Variants in ELOVL5 observed in about 807,000 individuals in gnomAD.
ELOVL5 encodes ELOVL fatty acid elongase 5.
A neutral mutation model predicts 38.6 loss-of-function variants in ELOVL5; 8 were observed. The observed-to-expected ratio is 0.21, with a 90% CI of 0.12 to 0.37. The LOEUF (loss-of-function observed/expected upper bound fraction) is 0.37, where lower values mean the gene tolerates loss of function less well. Ranked by LOEUF, ELOVL5 falls within the 10% of genes least tolerant of loss-of-function variation. The pLI is 1.00. For synonymous variants in ELOVL5, 127 were observed against 133.7 expected, an observed-to-expected ratio of 0.95 and a Z score of 0.34; for missense variants, 280 against 367.8, an observed-to-expected ratio of 0.76 and a Z score of 1.95.
intron 1 of ELOVL5, chr6:53,336,976 GC>G (rs1359507573): frequency 6.6e-6 from 1 of 152,192 alleles, no homozygotes; most frequent in Non-Finnish European, 1.5e-5. Context: ...AGGCACCAGG[GC>G]CTGCAAATTT....
chr6:53,347,772 T>A (rs1234516611), intron 1 of ELOVL5, among the ~76,000 whole-genome samples: 2 of 149,834 alleles, frequency 1.3e-5, no homozygotes, highest in Non-Finnish European at 3.0e-5. Flanking sequence ...GCCAAATGCA[T>A]TCTCCAAATT....
intron 3 of ELOVL5, among the ~76,000 whole-genome samples, chr6:53,282,502 A>G (rs1766397744): frequency 6.6e-6 from 1 of 152,210 alleles, no homozygotes; most frequent in South Asian, 2.1e-4. Context: ...CCTTCTCTCC[A>G]TTCTCCCTAC....
intron 1 of ELOVL5, among the ~76,000 whole-genome samples, chr6:53,320,525 TG>T (rs1385309259): frequency 6.6e-6 from 1 of 151,834 alleles, no homozygotes; most frequent in Non-Finnish European, 1.5e-5. Context: ...TTAGTAGAAA[TG>T]GGGTTTCACC....
chr6:53,291,486 G>A (rs1224034597), intron 3 of ELOVL5, among the ~76,000 whole-genome samples: 1 of 152,134 alleles, frequency 6.6e-6, no homozygotes, highest in Admixed American at 6.6e-5. Flanking sequence ...TATTTTGCTT[G>A]CATGAGAGTA....
intron 3 of ELOVL5, among the ~76,000 whole-genome samples, chr6:53,286,151 A>G (rs1581932934): frequency 6.6e-6 from 1 of 152,156 alleles, no homozygotes; most frequent in East Asian, 1.9e-4. Context: ...AAGACAAGAG[A>G]CTGTCGGATT....
chr6:53,327,634 T>TA (rs923011677), intron 1 of ELOVL5, among the ~76,000 whole-genome samples: 10 of 152,200 alleles, frequency 6.6e-5, no homozygotes, highest in Non-Finnish European at 7.4e-5. Context: ...ACTGTGGATG[T>TA]ACTAAATGCC....
At chr6:53,284,893 T>C (rs2127571683) in intron 3 of ELOVL5, among the ~76,000 whole-genome samples, 1 of 152,340 alleles carries the variant, frequency 6.6e-6, no homozygotes, top group Non-Finnish European at 1.5e-5. Context: ...GAACCACACC[T>C]ATATAAGACA....
intron 1 of ELOVL5, among the ~76,000 whole-genome samples, chr6:53,335,475 T>C (rs2127592964): frequency 6.6e-6 from 1 of 152,326 alleles, no homozygotes; most frequent in East Asian, 1.9e-4. Flanking sequence ...GCTTAGTCTC[T>C]AGGCAACGTT....
At chr6:53,276,806 T>C (rs752959234) in intron 3 of ELOVL5, among the ~76,000 whole-genome samples, 1 of 152,114 alleles carries the variant, frequency 6.6e-6, no homozygotes, top group African/African-American at 2.4e-5. Flanking sequence ...GAACCACTGC[T>C]GTAGGCTCAG....
rs147858617 is a variant in ELOVL5 at position 53,274,169 on chromosome 6, C to T, written c.497-825G>A. ...TTCTCTGAAAATTTAAAGCACTCTT[C>T]AAATGTAGGGAGGGGCTGTTTCTAT... On this transcript the variant is annotated intron_variant, in intron 5 of 7. Coordinates refer to ENST00000304434, the MANE Select transcript of ELOVL5 (RefSeq NM_021814.5). 3.8e-3 allele frequency among the ~76,000 whole-genome samples: 581 copies of T among 152,300 alleles called. 2 individuals carry two copies. Among genetic ancestry groups the T allele is most frequent in the African/African-American group, 0.012 (513 of 41,556 alleles).
intron 1 of ELOVL5, among the ~76,000 whole-genome samples, chr6:53,318,929 T>C (rs1032210224): frequency 6.6e-5 from 10 of 152,336 alleles, no homozygotes; most frequent in African/African-American, 1.9e-4. Flanking sequence ...ACTATGTCTT[T>C]AAAATCTAAT....
At chr6:53,343,732 C>A (rs1769425208) in intron 1 of ELOVL5, among the ~76,000 whole-genome samples, 1 of 152,322 alleles carries the variant, frequency 6.6e-6, no homozygotes, top group Non-Finnish European at 1.5e-5. Flanking sequence ...GAATGAGGCA[C>A]CCTACTTAAA....
At chr6:53,303,555 C>T (rs1221829633) in intron 1 of ELOVL5, among the ~76,000 whole-genome samples, 2 of 152,126 alleles carry the variant, frequency 1.3e-5, no homozygotes, top group African/African-American at 4.8e-5. Flanking sequence ...AAACACAGCT[C>T]TATTTGGGGT....
chr6:53,278,971 T>C (rs1455484594), intron 3 of ELOVL5, among the ~76,000 whole-genome samples: 2 of 152,218 alleles, frequency 1.3e-5, no homozygotes, highest in East Asian at 3.8e-4. Context: ...CTCCCCTACG[T>C]GCACACAAAT....
intron 3 of ELOVL5, among the ~76,000 whole-genome samples, chr6:53,289,068 A>C (rs1480985943): frequency 6.6e-6 from 1 of 152,014 alleles, no homozygotes; most frequent in Non-Finnish European, 1.5e-5. Flanking sequence ...AAACAAAAAA[A>C]CCCCGCTTCT....
intron 3 of ELOVL5, chr6:53,288,039 A>ATGT: frequency 5.7e-6 from 6 of 1,048,160 alleles, no homozygotes; most frequent in Non-Finnish European, 8.5e-6. Flanking sequence ...TCACATGAGG[A>ATGT]CAGAGCATCT....
intron 1 of ELOVL5, among the ~76,000 whole-genome samples, chr6:53,318,054 C>A (rs900758846): frequency 6.6e-6 from 1 of 152,118 alleles, no homozygotes; most frequent in African/African-American, 2.4e-5. Flanking sequence ...TGAGTCCACC[C>A]AGGCAGACAG....
chr6:53,288,755 T>C (rs891077370), intron 3 of ELOVL5, among the ~76,000 whole-genome samples: 1 of 152,206 alleles, frequency 6.6e-6, no homozygotes, highest in African/African-American at 2.4e-5. Flanking sequence ...CTTCTGATCA[T>C]CTCCCTTCTT....
At chr6:53,333,341 A>G (rs946327390) in intron 1 of ELOVL5, among the ~76,000 whole-genome samples, 5 of 152,238 alleles carry the variant, frequency 3.3e-5, no homozygotes, top group Non-Finnish European at 7.3e-5. Context: ...TTTGGAAAAC[A>G]TTACAGAGAA....
Sources: allele counts gnomAD v4.1 joint callset (sites outside exome capture counted in the v4.1 genomes callset), GRCh38; gene constraint gnomAD v4.1.1; transcripts MANE v1.5; gene names NCBI Gene and HGNC (gene_info 2026-07-23, HGNC 2026-07-21).